The following NAALADL2 variants were observed in gnomAD, a reference collection of about 807,000 sequenced individuals.
NAALADL2 encodes the protein inactive N-acetylated-alpha-linked acidic dipeptidase-like protein 2.
A neutral mutation model predicts 87.2 loss-of-function variants in NAALADL2; 76 were observed. The observed-to-expected ratio is 0.87, with a 90% confidence interval of 0.72 to 1.05. NAALADL2 has a LOEUF of 1.05. Among genes scored for constraint, NAALADL2 ranks in the 50% least tolerant of loss-of-function variants. NAALADL2 has a pLI of 0.00. For synonymous variants in NAALADL2, 354 were observed against 331.0 expected (o/e 1.07, Z -0.75); for missense variants, 1,089 against 945.8 (o/e 1.15, Z -1.99).
At chr3:175,073,929 C>G (rs997258500) in intron 1 of NAALADL2, among the ~76,000 whole-genome samples, 4 of 152,062 alleles carry the variant, frequency 2.6e-5, no homozygotes, top group Admixed American at 2.6e-4. Context: ...CATTTGCACC[C>G]CATTTCCTAT....
Position 175,455,315 on chromosome 3 carries a change from G to A in NAALADL2, c.1234+7943G>A, listed in dbSNP as rs9812208. ...TTCTCCTGGGGTAAGGTTAATGGAG[G>A]GTAGCAAATAGATGTGAATGAACAA... On this transcript the variant is annotated intron_variant, in intron 6 of 13. Coordinates refer to ENST00000454872, the MANE Select transcript of NAALADL2 (RefSeq NM_207015.3). Among the ~76,000 whole-genome samples, 1,347 of 152,000 alleles carry A rather than the reference G, an allele frequency of 8.9e-3. 28 individuals are homozygous for A. The highest frequency in any genetic ancestry group is 0.031 in the African/African-American group (1,275 of 41,472).
chr3:175,053,494 G>A (rs982771049), intron 1 of NAALADL2, among the ~76,000 whole-genome samples: 1 of 152,128 alleles, frequency 6.6e-6, no homozygotes, highest in Non-Finnish European at 1.5e-5. Context: ...GGGGGTCCTC[G>A]AGATCCTCCT....
At chr3:175,273,776 T>C (rs1753193874) in intron 4 of NAALADL2, among the ~76,000 whole-genome samples, 1 of 152,058 alleles carries the variant, frequency 6.6e-6, no homozygotes, top group Non-Finnish European at 1.5e-5. Context: ...CACATTTTGT[T>C]TTAGATATAC....
chr3:174,727,278 T>C (rs968568943), intron 2 of NAALADL2, among the ~76,000 whole-genome samples: 5 of 150,994 alleles, frequency 3.3e-5, no homozygotes, highest in Admixed American at 6.6e-5. Flanking sequence ...AATTCCACTT[T>C]CTAAAAAAAA....
chr3:175,088,015 T>C (rs1719379311), intron 1 of NAALADL2, among the ~76,000 whole-genome samples: 1 of 152,154 alleles, frequency 6.6e-6, no homozygotes, highest in African/African-American at 2.4e-5. Flanking sequence ...TTTCTTTCCA[T>C]TACTGTATTC....
At chr3:175,600,525 CTTTTTTTTTTTTTTTTTTT>C (rs869212429) in intron 10 of NAALADL2, among the ~76,000 whole-genome samples, 1 of 61,040 alleles carries the variant, frequency 1.6e-5, no homozygotes, top group Non-Finnish European at 2.9e-5. Flanking sequence ...GTGTCTTAGT[CTTTTTTTTTTTTTTTTTTT>C]TTTTTTTTTT....
At chr3:175,011,280 C>CAGAGAGAGAGAGAGAGAGAGAGAGAG (rs139229550) in intron 1 of NAALADL2, among the ~76,000 whole-genome samples, 4 of 113,546 alleles carry the variant, frequency 3.5e-5, no homozygotes, top group Non-Finnish European at 6.7e-5. Context: ...GACAGAGAGA[C>CAGAGAGAGAGAGAGAGAGAGAGAGAG]AGAGAGAGAG....
intron 9 of NAALADL2, among the ~76,000 whole-genome samples, chr3:175,571,454 A>G (rs1413780605): frequency 2.0e-5 from 3 of 152,192 alleles, no homozygotes; most frequent in African/African-American, 7.2e-5. Flanking sequence ...TGACCTGCAC[A>G]AATTTGCTGC....
At chr3:174,700,775 T>C (rs757434802) in intron 2 of NAALADL2, among the ~76,000 whole-genome samples, 8 of 152,240 alleles carry the variant, frequency 5.3e-5, no homozygotes, top group Middle Eastern at 3.4e-3. Context: ...TAAAACTGAT[T>C]TATATGATAT....
intron 2 of NAALADL2, among the ~76,000 whole-genome samples, chr3:175,114,592 A>G (rs1724783392): frequency 6.6e-6 from 1 of 151,642 alleles, no homozygotes; most frequent in Admixed American, 6.6e-5. Context: ...TGATACTCTG[A>G]CGAGGCATTA....
At chr3:175,478,635 C>T (rs1016103309) in intron 9 of NAALADL2, among the ~76,000 whole-genome samples, 2 of 151,926 alleles carry the variant, frequency 1.3e-5, no homozygotes, top group South Asian at 2.1e-4. Context: ...TCAGCCATCC[C>T]GTCATAATTA....
At chr3:174,913,583 C>G (rs542948620) in intron 1 of NAALADL2, among the ~76,000 whole-genome samples, 37 of 152,096 alleles carry the variant, frequency 2.4e-4, no homozygotes, top group African/African-American at 8.9e-4. Context: ...AGTGGTGTCA[C>G]CAGGCAAATC....
At chr3:175,725,632 G>GA (rs1319089068) in intron 11 of NAALADL2, among the ~76,000 whole-genome samples, 2 of 151,952 alleles carry the variant, frequency 1.3e-5, no homozygotes, top group African/African-American at 4.8e-5. Flanking sequence ...AAAGGGCTTG[G>GA]AAAAAAATTT....
intron 1 of NAALADL2, among the ~76,000 whole-genome samples, chr3:174,888,225 A>G (rs1009634016): frequency 1.3e-5 from 2 of 152,240 alleles, no homozygotes; most frequent in African/African-American, 4.8e-5. Flanking sequence ...AGAGCTGTGC[A>G]ATGATGTCGT....
At chr3:175,120,314 T>C (rs976913995) in intron 2 of NAALADL2, among the ~76,000 whole-genome samples, 2 of 151,804 alleles carry the variant, frequency 1.3e-5, no homozygotes, top group African/African-American at 2.4e-5. Flanking sequence ...GCTATGTTTT[T>C]CTGGCATTAA....
chr3:175,155,254 G>T (rs4243407), intron 2 of NAALADL2, among the ~76,000 whole-genome samples: 9 of 152,002 alleles, frequency 5.9e-5, no homozygotes, highest in Admixed American at 2.0e-4. Context: ...GTGCAACTGG[G>T]GCTGAGAATC....
chr3:175,523,939 G>A (rs1409375401), intron 9 of NAALADL2, among the ~76,000 whole-genome samples: 1 of 152,190 alleles, frequency 6.6e-6, no homozygotes, highest in African/African-American at 2.4e-5. Context: ...ATATCTAAGT[G>A]CAAAATACTT....
At chr3:175,478,788 G>T (rs16825794) in intron 9 of NAALADL2, among the ~76,000 whole-genome samples, 1 of 151,670 alleles carries the variant, frequency 6.6e-6, no homozygotes, top group South Asian at 2.1e-4. Flanking sequence ...ACTGTTGGGA[G>T]GTTAGATAAA....
intron 9 of NAALADL2, among the ~76,000 whole-genome samples, chr3:175,518,483 T>C (rs1732189759): frequency 6.6e-6 from 1 of 152,234 alleles, no homozygotes; most frequent in Admixed American, 6.5e-5. Flanking sequence ...TTGTTATTTA[T>C]AACAGAATAT....
Sources: allele counts gnomAD v4.1 joint callset (sites outside exome capture counted in the v4.1 genomes callset), GRCh38; gene constraint gnomAD v4.1.1; transcripts MANE v1.5; gene names NCBI Gene and HGNC (gene_info 2026-07-23, HGNC 2026-07-21).